KIR3DL1: variants seen among roughly 807,000 people sequenced by gnomAD.
The protein encoded by KIR3DL1 is killer cell immunoglobulin like receptor, three Ig domains and long cytoplasmic tail 1.
In KIR3DL1, 50 loss-of-function variants were observed where a neutral mutation model predicts 40.3. The observed-to-expected ratio is 1.24, with a 90% CI of 0.99 to 1.57. The LOEUF (loss-of-function observed/expected upper bound fraction) is 1.57. Ranked by LOEUF, KIR3DL1 falls within the 40% of genes most tolerant of loss-of-function variation. KIR3DL1 has a pLI of 0.00. For missense variants in KIR3DL1, 661 were observed against 559.9 expected, an observed-to-expected ratio of 1.18 and a Z score of -1.82; for synonymous variants, 257 against 207.2, an observed-to-expected ratio of 1.24 and a Z score of -2.07.
rs369960689 is a variant in KIR3DL1, at chr19:54,820,015, G to A, written c.655+3G>A. On this transcript the variant is annotated splice_donor_region_variant and intron_variant, in intron 4 of 8. Coordinates refer to ENST00000391728, the Ensembl canonical transcript of KIR3DL1. ...TCCCCTGGACATCGTGGTCACAGGT[G>A]AGAGTGTCTAGACATTGTTCTCATT... 79 of 1,608,880 alleles carry A rather than the reference G, an allele frequency of 4.9e-5. 1 individual carries two copies. In the African/African-American group the frequency reaches 9.3e-4, roughly 19 times the overall value.
intron 6 of KIR3DL1, among the ~76,000 whole-genome samples, chr19:54,827,411 AGAAACCCTATCTCTACATGGT>A (rs1282010961): frequency 4.7e-5 from 7 of 147,408 alleles, no homozygotes; most frequent in Admixed American, 4.7e-4. Flanking sequence ...GCCAACATGG[AGAAACCCTATCTCTACATGGT>A]GAAACCCTAT....
chr19:54,825,369 A>G (rs2061830231), intron 6 of KIR3DL1, among the ~76,000 whole-genome samples: 1 of 150,782 alleles, frequency 6.6e-6, no homozygotes, highest in Non-Finnish European at 1.5e-5. Flanking sequence ...TGCATTCCTA[A>G]CTGGAGGATA....
chr19:54,829,538 TG>T, intron 7 of KIR3DL1, 73 bp downstream of exon 7: 1 of 1,218,906 alleles, frequency 8.2e-7, no homozygotes, highest in African/African-American at 1.5e-5. Flanking sequence ...CACAGCTGTG[TG>T]TTCCTCACTG....
rs370183181 is a variant in KIR3DL1, at chr19:54,816,873, G to A, written c.34+339G>A. ...GTGATGGGCCTAGAAGTGGAGCGAT[G>A]GGCCTGGAGTGGAGATATGGGCCTG... On this transcript the variant is annotated intron_variant, in intron 1 of 8. Transcript: ENST00000391728. Among the ~76,000 whole-genome samples the A allele has an allele frequency of 4.8e-5, 7 of 145,538 alleles. No individual in the cohort carries two copies. The East Asian group carries it at 8.2e-4, about 17-fold the overall frequency.
intron 4 of KIR3DL1, among the ~76,000 whole-genome samples, chr19:54,820,348 T>G (rs2061573049): frequency 6.6e-6 from 1 of 151,554 alleles, no homozygotes; most frequent in Non-Finnish European, 1.5e-5. Flanking sequence ...GTTTCATTTC[T>G]GTTTTACCTC....
chr19:54,826,306 A>G (rs1182858984), intron 6 of KIR3DL1, among the ~76,000 whole-genome samples: 1 of 150,242 alleles, frequency 6.7e-6, no homozygotes, highest in Admixed American at 6.6e-5. Context: ...CATGAAATCT[A>G]TTTGTTTGTT....
rs370220844 is a variant in KIR3DL1 at position 54,818,344 on chromosome 19, T to C, written c.100T>C (p.Trp34Arg). 7.0e-5 allele frequency: 113 copies of C among 1,604,208 alleles called. 4 individuals carry two copies. In the African/African-American group the frequency reaches 8.6e-4, roughly 12 times the overall value. The stretch of plus-strand genomic sequence containing the variant: ...TCAGGACAAACCCTTCCTGTCTGCC[T>C]GGCCCAGCGCTGTGGTGCCTCGAGG... Residue 34 changes from tryptophan (W) to arginine (R), a missense_variant, in exon 3 of 9, where the codon TGG (tryptophan) becomes CGG (arginine). Physicochemically the swap from Trp to Arg is moderately radical, Grantham distance 101. Around this residue, in one of 3 missense-constraint regions of KIR3DL1, gnomAD observed 548 missense variants for 413.3 expected, o/e 1.33. Coordinates refer to ENST00000391728, the Ensembl canonical transcript of KIR3DL1.
chr19:54,830,092 T>G lies in KIR3DL1; in HGVS notation c.1159-7T>G. The G allele has an allele frequency of 6.6e-7, 1 of 1,519,228 alleles. No individual in the cohort carries two copies. The highest frequency in any genetic ancestry group is 8.9e-7 in the Non-Finnish European group (1 of 1,120,330). 94.1% of individuals were successfully genotyped at this position (1,519,228 alleles called of 1,614,324 possible). ...CCCTCCCTCACTCAGCATTTCCCTC[T>G]CTCCAGGACTCTGATGAACAAGACC... On this transcript the variant is annotated splice_region_variant and splice_polypyrimidine_tract_variant and intron_variant, in intron 8 of 8. Coordinates refer to ENST00000391728, the Ensembl canonical transcript of KIR3DL1.
In KIR3DL1 at chr19:54,829,944, C is replaced by T. The variant is rs369374640; in HGVS notation, c.1122C>T (p.Asp374=). Residue 374 remains aspartate, a synonymous_variant, in exon 8 of 9, where the codon GAC becomes GAT. Transcript: ENST00000391728. ...CTCCTACAGATGCTGCTGTAATGGA[C>T]CAAGAGCCTGCAGGGAACAGAACAG... 55 of 1,527,186 alleles carry T rather than the reference C, an allele frequency of 3.6e-5. 12 individuals carry two copies. The African/African-American group carries it at 5.0e-4, about 14-fold the overall frequency. The allele number at this position is 1,527,186 out of a possible 1,614,324, so 94.6% of individuals were successfully genotyped here. A position where few individuals can be genotyped will look rare whatever the true frequency, so the allele number is the denominator to read the frequency against.
chr19:54,826,538 T>G, intron 6 of KIR3DL1, among the ~76,000 whole-genome samples: 1 of 146,270 alleles, frequency 6.8e-6, no homozygotes, highest in East Asian at 2.0e-4. Flanking sequence ...CAAGCTTGTC[T>G]GAAACTCCCA....
At position 54,818,581 on chromosome 19, in the gene KIR3DL1, G is replaced by A. The variant is rs643861; in HGVS notation, c.337G>A (p.Val113Met). The A allele has an allele frequency of 0.23, 375,428 of 1,609,266 alleles. 46,472 individuals are homozygous for A. Among genetic ancestry groups the A allele is most frequent in the South Asian group, 0.32 (29,401 of 90,558 alleles). The change falls in exon 3 of 9, where the codon GTG becomes ATG. Residue 113 changes from valine to methionine, a missense_variant. By Grantham distance (21) the Val-to-Met change is conservative. Coordinates refer to ENST00000391728, the Ensembl canonical transcript of KIR3DL1. ...TGGGTGGTCGGCACCCAGCAACCCC[G>A]TGGTGATCATGGTCACAGGTCAGAG...
rs757344213 is a variant in KIR3DL1, at chr19:54,818,377, G to A, written c.133G>A (p.Val45Met). 35 of 1,606,654 alleles carry A rather than the reference G, an allele frequency of 2.2e-5. 1 individual carries two copies. The highest frequency in any genetic ancestry group is 4.5e-5 in the East Asian group (2 of 44,664). Residue 45 changes from valine to methionine, a missense_variant, in exon 3 of 9, where the codon GTG (valine) becomes ATG (methionine). By Grantham distance (21) the Val-to-Met change is conservative. Coordinates refer to ENST00000391728, the Ensembl canonical transcript of KIR3DL1. Reference sequence around the variant, plus strand: ...CGCTGTGGTGCCTCGAGGAGGACACGTGACTCTTCGGTGTCACTATCGTCA... The same window carrying A: ...CGCTGTGGTGCCTCGAGGAGGACACATGACTCTTCGGTGTCACTATCGTCA...
rs1162384248 is a variant in KIR3DL1, at chr19:54,824,441, C to T, written c.950-587C>T. Reference sequence around the variant, plus strand: ...CCTGCAATTCCAGCACTTTGGGAGGCCGAGGCGGGTGGATCACCTGAAGCC... The same window carrying T: ...CCTGCAATTCCAGCACTTTGGGAGGTCGAGGCGGGTGGATCACCTGAAGCC... On this transcript the variant is annotated intron_variant, in intron 5 of 8. Coordinates refer to ENST00000391728, the Ensembl canonical transcript of KIR3DL1. Among the ~76,000 whole-genome samples, 4 of 151,520 alleles carry T rather than the reference C, an allele frequency of 2.6e-5. 1 individual carries two copies. Among genetic ancestry groups the T allele is most frequent in the South Asian group, 4.2e-4 (2 of 4,760 alleles).
chr19:54,819,871 C>G, exon 4 of KIR3DL1: 1 of 1,612,212 alleles, frequency 6.2e-7, no homozygotes, highest in Non-Finnish European at 8.5e-7. Context: ...TGGACAGATC[C>G]ATGATGGGGT....
intron 4 of KIR3DL1, 87 bp from the exon 5 acceptor site, chr19:54,821,478 A>G: frequency 6.9e-7 from 1 of 1,442,662 alleles, no homozygotes. Flanking sequence ...TAGGTCATAG[A>G]GCAGGGGAGT....
chr19:54,827,748 A>G (rs1460949234), intron 6 of KIR3DL1, among the ~76,000 whole-genome samples: 1 of 150,900 alleles, frequency 6.6e-6, no homozygotes, highest in East Asian at 1.9e-4. Flanking sequence ...TTAGGCAATC[A>G]GCCTAAAACC....
chr19:54,819,829 G>C (rs1474861078), exon 4 of KIR3DL1: 1 of 1,612,164 alleles, frequency 6.2e-7, no homozygotes, highest in South Asian at 1.1e-5. Context: ...TCTGCACAAA[G>C]AGGGGATCTC....
rs1435145718 is a variant in KIR3DL1 at position 54,817,925 on chromosome 19, G to C, written c.70+356G>C. Among the ~76,000 whole-genome samples, 8 of 144,168 alleles carry C rather than the reference G, an allele frequency of 5.5e-5. No homozygotes were observed. The East Asian group carries it at 1.7e-3, about 31-fold the overall frequency. 94.6% of individuals were successfully genotyped at this position (144,168 alleles called of 152,430 possible). Reference sequence around the variant, plus strand: ...TGGTAGGGGCTGCAGTGTGGCTGCGGTCTTTCTACCAGAAAAGGTGAGGAA... The same window carrying C: ...TGGTAGGGGCTGCAGTGTGGCTGCGCTCTTTCTACCAGAAAAGGTGAGGAA... On this transcript the variant is annotated intron_variant, in intron 2 of 8. Transcript: ENST00000391728.
intron 6 of KIR3DL1, among the ~76,000 whole-genome samples, chr19:54,828,746 T>C (rs2062040906): frequency 6.8e-6 from 1 of 146,300 alleles, no homozygotes; most frequent in African/African-American, 2.5e-5. Flanking sequence ...TTTTTGTTGC[T>C]CTAAAGGAAC....
Sources: allele counts gnomAD v4.1 joint callset (sites outside exome capture counted in the v4.1 genomes callset), GRCh38; gene constraint gnomAD v4.1.1; regional missense constraint gnomAD v4.1.1; transcripts MANE v1.5; gene names NCBI Gene and HGNC (gene_info 2026-07-23, HGNC 2026-07-21).